Variants in CLMN observed in about 807,000 individuals in gnomAD.
CLMN encodes the protein calmin (calponin-like, transmembrane).
A neutral mutation model predicts 92.7 loss-of-function variants in CLMN; 57 were observed. That is an observed-to-expected ratio of 0.61 (90% CI 0.50 to 0.77). The LOEUF is 0.77. Ranked by LOEUF, CLMN falls within the 30% of genes least tolerant of loss-of-function variation. The pLI, the probability that CLMN is intolerant of heterozygous loss-of-function variation, is 0.00. For missense variants in CLMN, 1,158 were observed against 1,237.5 expected (o/e 0.94, Z 0.96); for synonymous variants, 466 against 470.6 (o/e 0.99, Z 0.13).
intron 2 of CLMN, among the ~76,000 whole-genome samples, chr14:95,224,126 G>A (rs1394080200): frequency 3.3e-5 from 5 of 152,314 alleles, no homozygotes; most frequent in South Asian, 4.1e-4. Flanking sequence ...CCTTCAAACC[G>A]AAGATCTCAG....
In CLMN at chr14:95,227,396, T is replaced by C. The variant is rs146389725; in HGVS notation, c.144+2676A>G. 1.3e-3 allele frequency among the ~76,000 whole-genome samples: 195 copies of C among 152,294 alleles called. 2 individuals carry two copies. The East Asian group carries it at 0.031, about 24-fold the overall frequency. ...TTTCTTTGCAAACTGCCGCAGCTCCTTGGGCACCTTCCACCCTGAGCATGA... is the reference window on the plus strand; with the variant it reads ...TTTCTTTGCAAACTGCCGCAGCTCCCTGGGCACCTTCCACCCTGAGCATGA... On this transcript the variant is annotated intron_variant, in intron 2 of 12. Coordinates refer to ENST00000298912, the MANE Select transcript of CLMN (RefSeq NM_024734.4).
rs1897247291 is a variant in CLMN, at chr14:95,213,253, C to T, written c.574G>A (p.Ala192Thr). Reference protein sequence around the residue: ...SVKDQRKAIKALLAWVQRKTR... With the variant: ...SVKDQRKAIKTLLAWVQRKTR... Reference sequence around the variant, plus strand: ...TTCCTCTGCACCCACGCCAACAGGGCCTTGATAGCCTTCCTCTGGTCTTTC... The same window carrying T: ...TTCCTCTGCACCCACGCCAACAGGGTCTTGATAGCCTTCCTCTGGTCTTTC... Residue 192 changes from alanine (A) to threonine (T), a missense_variant, in exon 6 of 13, where the codon GCC becomes ACC. Coordinates refer to ENST00000298912, the MANE Select transcript of CLMN (RefSeq NM_024734.4). 2 of 1,614,052 alleles carry T rather than the reference C, an allele frequency of 1.2e-6. No individual in the cohort carries two copies. Among genetic ancestry groups the T allele is most frequent in the Non-Finnish European group, 8.5e-7 (1 of 1,179,980 alleles).
chr14:95,280,589 A>G (rs949106434), intron 1 of CLMN, among the ~76,000 whole-genome samples: 32 of 152,130 alleles, frequency 2.1e-4, no homozygotes, highest in African/African-American at 7.5e-4. Flanking sequence ...ATATTTGACA[A>G]ACTTTCCAAA....
At chr14:95,241,668 G>A (rs892020138) in intron 1 of CLMN, among the ~76,000 whole-genome samples, 2 of 152,218 alleles carry the variant, frequency 1.3e-5, no homozygotes, top group African/African-American at 4.8e-5. Flanking sequence ...GCACAAGAGA[G>A]ACCAGAGGCT....
chr14:95,287,397 A>G (rs938688796), intron 1 of CLMN, among the ~76,000 whole-genome samples: 2 of 152,160 alleles, frequency 1.3e-5, no homozygotes, highest in South Asian at 2.1e-4. Flanking sequence ...CCTTCTCAGC[A>G]TGGCGCGATG....
intron 1 of CLMN, among the ~76,000 whole-genome samples, chr14:95,242,033 T>C (rs1595614179): frequency 6.6e-6 from 1 of 152,072 alleles, no homozygotes; most frequent in Admixed American, 6.6e-5. Flanking sequence ...GTTGGATCAT[T>C]GTTCCTGGGC....
At chr14:95,278,111 T>TA (rs538027266) in intron 1 of CLMN, among the ~76,000 whole-genome samples, 17 of 152,220 alleles carry the variant, frequency 1.1e-4, no homozygotes, top group Admixed American at 6.5e-4. Flanking sequence ...AATCTCATTT[T>TA]AAAAAAAAGT....
chr14:95,253,918 AAC>A (rs1352035980), intron 1 of CLMN, among the ~76,000 whole-genome samples: 4 of 152,122 alleles, frequency 2.6e-5, no homozygotes, highest in Non-Finnish European at 5.9e-5. Flanking sequence ...AAGGCCCATT[AAC>A]ACAGTTTTTT....
Position 95,256,257 on chromosome 14 carries a change from A to G in CLMN, c.83-26124T>C, listed in dbSNP as rs1280469167. Among the ~76,000 whole-genome samples the G allele has an allele frequency of 6.6e-6, 1 of 152,228 alleles. No homozygotes were observed. The highest frequency in any genetic ancestry group is 1.5e-5 in the Non-Finnish European group (1 of 68,036). ...GGCACCCAGTTGGGAAGGACTTCAC[A>G]GCACTCCCTGCCTCCTTTAAAACCC... On this transcript the variant is annotated intron_variant, in intron 1 of 12. Coordinates refer to ENST00000298912, the MANE Select transcript of CLMN (RefSeq NM_024734.4). This position sits in a 1 kb window ranked among gnomAD's most constrained non-coding sequence, Gnocchi z 4.9.
intron 2 of CLMN, among the ~76,000 whole-genome samples, chr14:95,228,849 A>G (rs1488836540): frequency 1.3e-5 from 2 of 152,016 alleles, no homozygotes; most frequent in Non-Finnish European, 2.9e-5. Context: ...TAATTTTTGT[A>G]TTTTTAGTAG....
At position 95,203,012 on chromosome 14, in the gene CLMN, G is replaced by C. The variant is rs1896929590; in HGVS notation, c.2337C>G (p.Ser779Arg). 2 of 1,614,136 alleles carry C rather than the reference G, an allele frequency of 1.2e-6. No homozygotes were observed. Among genetic ancestry groups the C allele is most frequent in the East Asian group, 4.5e-5 (2 of 44,876 alleles). ...SREEEADGSQ[S>R]SSSSSVPGES... is the part of the protein sequence containing the mutation. ...CTCCTGGCACCGAGGAACTGGAGCTGCTCTGAGAGCCATCGGCCTCCTCCT... is the reference window on the plus strand; with the variant it reads ...CTCCTGGCACCGAGGAACTGGAGCTCCTCTGAGAGCCATCGGCCTCCTCCT... The change falls in exon 9 of 13, where the codon AGC becomes AGG. Residue 779 changes from serine (S) to arginine (R), a missense_variant. Physicochemically the swap from Ser to Arg is moderately radical, Grantham distance 110. Coordinates refer to ENST00000298912, the MANE Select transcript of CLMN (RefSeq NM_024734.4).
intron 1 of CLMN, among the ~76,000 whole-genome samples, chr14:95,314,109 G>A (rs1026819625): frequency 1.3e-5 from 2 of 152,214 alleles, no homozygotes; most frequent in East Asian, 1.9e-4. Context: ...TTTGTGAGAT[G>A]GGCTTCTGTT....
At chr14:95,230,662 C>T (rs889244121) in intron 1 of CLMN, among the ~76,000 whole-genome samples, 5 of 152,166 alleles carry the variant, frequency 3.3e-5, no homozygotes, top group East Asian at 1.9e-4. Context: ...TTTGTGTGCC[C>T]GGGCCAGACC....
At chr14:95,289,506 T>TAAATAAACAAAC (rs1555394622) in intron 1 of CLMN, among the ~76,000 whole-genome samples, 18 of 65,904 alleles carry the variant, frequency 2.7e-4, no homozygotes, top group South Asian at 1.4e-3. Flanking sequence ...AATAAATAAA[T>TAAATAAACAAAC]AAACAAACAA....
At chr14:95,206,627 A>G (rs1187611) in intron 8 of CLMN, among the ~76,000 whole-genome samples, 44,085 of 152,164 alleles carry the variant, frequency 0.29, 8,048 homozygotes, top group African/African-American at 0.51. Flanking sequence ...GATAAGCTGT[A>G]AATTCTCATC....
At chr14:95,254,952 G>C (rs2140686113) in intron 1 of CLMN, among the ~76,000 whole-genome samples, 1 of 152,324 alleles carries the variant, frequency 6.6e-6, no homozygotes, top group African/African-American at 2.4e-5. Context: ...ACCTTGCTGG[G>C]ATTGAGCCAC....
intron 1 of CLMN, among the ~76,000 whole-genome samples, chr14:95,250,170 C>A (rs1898726536): frequency 6.6e-6 from 1 of 152,244 alleles, no homozygotes; most frequent in South Asian, 2.1e-4. Context: ...GGCTGTCTCT[C>A]TCTGGGCTTA....
intron 9 of CLMN, among the ~76,000 whole-genome samples, chr14:95,200,279 A>T (rs74076627): frequency 0.045 from 6,776 of 152,024 alleles, 505 homozygotes; most frequent in African/African-American, 0.15. Flanking sequence ...GCCCATCTCT[A>T]ATGGCTGAGG....
intron 1 of CLMN, among the ~76,000 whole-genome samples, chr14:95,304,237 G>A (rs1901178071): frequency 6.6e-6 from 1 of 152,152 alleles, no homozygotes; most frequent in Non-Finnish European, 1.5e-5. Context: ...TTGGGAGACT[G>A]AGGCAGGAGG....
Sources: allele counts gnomAD v4.1 joint callset (sites outside exome capture counted in the v4.1 genomes callset), GRCh38; gene constraint gnomAD v4.1.1; non-coding constraint Gnocchi (gnomAD v3.1); transcripts MANE v1.5; gene names NCBI Gene and HGNC (gene_info 2026-07-23, HGNC 2026-07-21).